XRCC4: variants seen among roughly 807,000 people sequenced by gnomAD.
XRCC4 encodes X-ray repair cross complementing 4.
In XRCC4, 28 loss-of-function variants were observed where a neutral mutation model predicts 39.1. The ratio of observed to expected loss-of-function variants is 0.72; its 90% confidence interval spans 0.53 to 0.98. The LOEUF (loss-of-function observed/expected upper bound fraction) is 0.98. Among genes scored for constraint, XRCC4 ranks in the 50% least tolerant of loss-of-function variants. XRCC4 has a pLI of 0.00. For missense variants in XRCC4, 350 were observed against 376.4 expected (o/e 0.93, Z 0.58); for synonymous variants, 123 against 126.4 (o/e 0.97, Z 0.18).
chr5:83,326,987 T>C (rs927325206), intron 7 of XRCC4, among the ~76,000 whole-genome samples: 1 of 152,124 alleles, frequency 6.6e-6, no homozygotes, highest in Non-Finnish European at 1.5e-5. Context: ...TAAAAGCTCA[T>C]CATGAATATT....
chr5:83,112,517 T>C (rs1746490548), intron 3 of XRCC4, among the ~76,000 whole-genome samples: 1 of 152,206 alleles, frequency 6.6e-6, no homozygotes, highest in Admixed American at 6.5e-5. Flanking sequence ...CTGAAAGGCT[T>C]TTGAAATTTT....
At chr5:83,352,154 G>C (rs541489385) in intron 7 of XRCC4, among the ~76,000 whole-genome samples, 1 of 152,130 alleles carries the variant, frequency 6.6e-6, no homozygotes, top group East Asian at 1.9e-4. Context: ...AATAGACCTG[G>C]GTTCAAACTT....
chr5:83,351,028 G>A (rs28746479), intron 7 of XRCC4, among the ~76,000 whole-genome samples: 1 of 152,106 alleles, frequency 6.6e-6, no homozygotes, highest in Non-Finnish European at 1.5e-5. Context: ...CTTGAAGAAG[G>A]GGCCTGGTGG....
At chr5:83,197,752 C>G (rs1751014005) in intron 4 of XRCC4, among the ~76,000 whole-genome samples, 1 of 152,094 alleles carries the variant, frequency 6.6e-6, no homozygotes, top group Non-Finnish European at 1.5e-5. Flanking sequence ...TATGATCCAG[C>G]TATTTTTTTG....
intron 7 of XRCC4, among the ~76,000 whole-genome samples, chr5:83,270,678 T>C (rs1263882578): frequency 6.6e-6 from 1 of 151,970 alleles, no homozygotes. Context: ...TAGTCTAAAC[T>C]CATTACCATA....
At chr5:83,266,430 A>G (rs1226455534) in intron 7 of XRCC4, among the ~76,000 whole-genome samples, 1 of 151,694 alleles carries the variant, frequency 6.6e-6, no homozygotes, top group African/African-American at 2.4e-5. Context: ...TCTGAAAAGT[A>G]TAAACTAATT....
chr5:83,306,123 A>C (rs900652039), intron 7 of XRCC4, among the ~76,000 whole-genome samples: 9 of 67,430 alleles, frequency 1.3e-4, no homozygotes, highest in African/African-American at 3.1e-4. Flanking sequence ...TCTCTACTGA[A>C]GGTTGCAGAT....
At chr5:83,309,276 A>T (rs1755602194) in intron 7 of XRCC4, among the ~76,000 whole-genome samples, 2 of 106,046 alleles carry the variant, frequency 1.9e-5, no homozygotes, top group African/African-American at 1.2e-4. Flanking sequence ...CAAAAAAAAA[A>T]AAAAAAAAAA....
At chr5:83,314,561 C>T (rs773285113) in intron 7 of XRCC4, among the ~76,000 whole-genome samples, 6 of 152,094 alleles carry the variant, frequency 3.9e-5, no homozygotes, top group Non-Finnish European at 7.4e-5. Flanking sequence ...TGAACATCTC[C>T]GGCAACCCTG....
chr5:83,135,894 A>G (rs1455845941), intron 3 of XRCC4, among the ~76,000 whole-genome samples: 8 of 152,062 alleles, frequency 5.3e-5, no homozygotes, highest in Non-Finnish European at 1.0e-4. Flanking sequence ...TTTCTGCTCC[A>G]TATGTGTTCT....
rs375348626 is a variant in XRCC4 at position 83,160,781 on chromosome 5, C to T, written c.316-34989C>T. 1.3e-4 allele frequency among the ~76,000 whole-genome samples: 20 copies of T among 152,168 alleles called. 1 individual carries two copies. The South Asian group carries it at 3.9e-3, about 30-fold the overall frequency. Reference sequence around the variant, plus strand: ...TTGTAGACAAGTACCACCTCAGTGCCGCAAGAGATAGTGCAGACCTCTACC... The same window carrying T: ...TTGTAGACAAGTACCACCTCAGTGCTGCAAGAGATAGTGCAGACCTCTACC... On this transcript the variant is annotated intron_variant, in intron 3 of 7. Coordinates refer to ENST00000396027, the MANE Select transcript of XRCC4 (RefSeq NM_003401.5).
chr5:83,246,352 C>T (rs114731485), intron 6 of XRCC4, among the ~76,000 whole-genome samples: 2,302 of 152,178 alleles, frequency 0.015, 63 homozygotes, highest in African/African-American at 0.052. Flanking sequence ...TAAATGCCGA[C>T]TCCAGTTAAA....
intron 6 of XRCC4, among the ~76,000 whole-genome samples, chr5:83,255,284 A>T (rs1235345398): frequency 1.3e-5 from 2 of 152,174 alleles, no homozygotes; most frequent in Non-Finnish European, 2.9e-5. Context: ...TATTTGAAGT[A>T]AGAGAATCTA....
chr5:83,283,838 G>C (rs1580464062), intron 7 of XRCC4, among the ~76,000 whole-genome samples: 1 of 151,936 alleles, frequency 6.6e-6, no homozygotes, highest in East Asian at 1.9e-4. Flanking sequence ...AACCCCCAAA[G>C]TAATGGATCT....
chr5:83,279,050 A>T (rs1426517625), intron 7 of XRCC4, among the ~76,000 whole-genome samples: 1 of 145,866 alleles, frequency 6.9e-6, no homozygotes, highest in Admixed American at 6.9e-5. Context: ...TATATTATAT[A>T]TTTTTATAAT....
At chr5:83,257,406 C>CA in intron 6 of XRCC4, among the ~76,000 whole-genome samples, 1 of 149,608 alleles carries the variant, frequency 6.7e-6, no homozygotes, top group Non-Finnish European at 1.5e-5. Context: ...CAAAAGAAGA[C>CA]ATTTATGCGG....
chr5:83,221,979 A>C (rs1309150286), intron 6 of XRCC4, among the ~76,000 whole-genome samples: 1 of 151,790 alleles, frequency 6.6e-6, no homozygotes, highest in Non-Finnish European at 1.5e-5. Flanking sequence ...ATCTGATAGT[A>C]GTATAACTAC....
chr5:83,334,561 AAAGG>A (rs1291207021), intron 7 of XRCC4, among the ~76,000 whole-genome samples: 1 of 151,992 alleles, frequency 6.6e-6, no homozygotes, highest in African/African-American at 2.4e-5. Context: ...AATTATTGAC[AAAGG>A]AAGATATTCA....
intron 6 of XRCC4, among the ~76,000 whole-genome samples, chr5:83,217,523 ATTAG>A (rs1428162254): frequency 6.6e-6 from 1 of 152,028 alleles, no homozygotes; most frequent in Non-Finnish European, 1.5e-5. Context: ...TTCTATTCTT[ATTAG>A]TATTATTTTC....
Sources: allele counts gnomAD v4.1 joint callset (sites outside exome capture counted in the v4.1 genomes callset), GRCh38; gene constraint gnomAD v4.1.1; transcripts MANE v1.5; gene names NCBI Gene and HGNC (gene_info 2026-07-23, HGNC 2026-07-21).